NXN: variants seen among roughly 807,000 people sequenced by gnomAD.
The protein encoded by NXN is nucleoredoxin.
A neutral mutation model predicts 48.6 loss-of-function variants in NXN; 16 were observed. The observed-to-expected ratio is 0.33, with a 90% CI of 0.22 to 0.50. The LOEUF (loss-of-function observed/expected upper bound fraction) is 0.50. Among genes scored for constraint, NXN ranks in the 20% least tolerant of loss-of-function variants. The probability of loss-of-function intolerance (pLI) is 0.98; values close to 1 mark genes in which losing one functional copy is unlikely to be tolerated. For missense variants in NXN, 492 were observed against 605.5 expected, an observed-to-expected ratio of 0.81 and a Z score of 1.97; for synonymous variants, 281 against 269.6, an observed-to-expected ratio of 1.04 and a Z score of -0.41.
intron 1 of NXN, among the ~76,000 whole-genome samples, chr17:951,899 A>G (rs918045935): frequency 6.6e-6 from 1 of 152,260 alleles, no homozygotes; most frequent in East Asian, 1.9e-4. Context: ...AGGGGAGCTC[A>G]GCCTCCCCGA....
rs114177301 is a variant in NXN at position 851,797 on chromosome 17, G to T, written c.361-25719C>A. Among the ~76,000 whole-genome samples the T allele has an allele frequency of 4.7e-3, 719 of 152,314 alleles. 4 individuals are homozygous for T. The highest frequency in any genetic ancestry group is 0.016 in the African/African-American group (667 of 41,568). ...CCAGCACCACTCGCCATAAATAGAG[G>T]CTAAGTGTCAAAATGAAAAGAACAA... On this transcript the variant is annotated intron_variant, in intron 1 of 7. Transcript: ENST00000336868.
rs981146716 is a variant in NXN, at chr17:948,364, GA to G, written c.360+30954del. The stretch of plus-strand genomic sequence containing the variant: ...GAAAGAAAACAAAGGAAACAAAACA[GA>G]AAAAAAAGAAGAAAATAATAAAGTA... On this transcript the variant is annotated intron_variant, in intron 1 of 7. Coordinates refer to ENST00000336868, the MANE Select transcript of NXN (RefSeq NM_022463.5). 1.5e-4 allele frequency among the ~76,000 whole-genome samples: 23 copies of G among 151,630 alleles called. No homozygotes were observed. The Middle Eastern group carries it at 0.01, about 67-fold the overall frequency.
intron 1 of NXN, among the ~76,000 whole-genome samples, chr17:926,031 G>A (rs1413921773): frequency 1.3e-5 from 2 of 152,302 alleles, no homozygotes; most frequent in Admixed American, 1.3e-4. Context: ...AAGTTTTAAT[G>A]ACTTAAGAGT....
At chr17:851,161 T>A (rs956889215) in intron 1 of NXN, among the ~76,000 whole-genome samples, 1 of 152,230 alleles carries the variant, frequency 6.6e-6, no homozygotes, top group African/African-American at 2.4e-5. Context: ...CGTTTCAACC[T>A]GGTCTCCAGA....
At chr17:926,982 T>C (rs534216254) in intron 1 of NXN, among the ~76,000 whole-genome samples, 1 of 151,978 alleles carries the variant, frequency 6.6e-6, no homozygotes, top group South Asian at 2.1e-4. Flanking sequence ...AGTGATCCAA[T>C]GGGAGGCTGG....
At chr17:846,420 AAAAAAAAAAAAG>A (rs1367035489) in intron 1 of NXN, among the ~76,000 whole-genome samples, 4 of 149,234 alleles carry the variant, frequency 2.7e-5, no homozygotes, top group Admixed American at 6.6e-5. Flanking sequence ...TCTCAAAAAA[AAAAAAAAAAAAG>A]AAAAGAAAAA....
intron 1 of NXN, among the ~76,000 whole-genome samples, chr17:965,477 G>T (rs1409715293): frequency 6.6e-6 from 1 of 152,188 alleles, no homozygotes; most frequent in Non-Finnish European, 1.5e-5. Flanking sequence ...CTATCTAAGT[G>T]ATAGCAAGCT....
chr17:918,760 T>A (rs2068715623), intron 1 of NXN, among the ~76,000 whole-genome samples: 2 of 112,236 alleles, frequency 1.8e-5, no homozygotes, highest in Non-Finnish European at 1.7e-5. Context: ...GCCACCGCAC[T>A]CCAGCCTGGG....
intron 1 of NXN, among the ~76,000 whole-genome samples, chr17:889,810 T>A (rs1419290269): frequency 1.3e-5 from 2 of 151,738 alleles, no homozygotes; most frequent in Non-Finnish European, 2.9e-5. Flanking sequence ...AGATTAATTG[T>A]TGGCTGTTGC....
intron 1 of NXN, among the ~76,000 whole-genome samples, chr17:853,716 TA>T (rs1567834447): frequency 5.1e-4 from 48 of 94,332 alleles, no homozygotes; most frequent in African/African-American, 8.2e-4. Flanking sequence ...TATATATATA[TA>T]TATATATTTT....
chr17:895,358 G>A (rs183028709), intron 1 of NXN, among the ~76,000 whole-genome samples: 89 of 151,930 alleles, frequency 5.9e-4, no homozygotes, highest in Non-Finnish European at 1.1e-3. Context: ...ATGGAGAGAG[G>A]AAGAAAAGAG....
chr17:825,908 G>A lies in NXN; in HGVS notation c.478+53C>T, dbSNP rs752789696. On this transcript the variant is annotated intron_variant, in intron 2 of 7. Coordinates refer to ENST00000336868, the MANE Select transcript of NXN (RefSeq NM_022463.5). This position sits in a 1 kb window ranked among gnomAD's most constrained non-coding sequence, Gnocchi z 4.1. ...GGACGGAGATTAGCCTAAGGGCATG[G>A]AGGAGGGAGGGCTGGGTAATAAGAG... The A allele has an allele frequency of 1.9e-5, 22 of 1,156,022 alleles. No homozygotes were observed. The highest frequency in any genetic ancestry group is 2.8e-5 in the Non-Finnish European group (22 of 781,786). 71.6% of individuals were successfully genotyped at this position (1,156,022 alleles called of 1,614,324 possible).
intron 5 of NXN, among the ~76,000 whole-genome samples, chr17:810,169 G>A (rs1276699932): frequency 9.0e-6 from 1 of 111,186 alleles, no homozygotes; most frequent in Non-Finnish European, 1.8e-5. Context: ...CACGTTACGA[G>A]TCTGTGACTG....
chr17:881,598 CAG>C (rs2068285074), intron 1 of NXN, among the ~76,000 whole-genome samples: 1 of 152,168 alleles, frequency 6.6e-6, no homozygotes, highest in Non-Finnish European at 1.5e-5. Flanking sequence ...ATAATCGACT[CAG>C]AATTCTACCG....
rs746742877 is a variant in NXN at position 979,716 on chromosome 17, C to A, written c.-38G>T. 5.3e-6 allele frequency: 7 copies of A among 1,316,926 alleles called. No individual in the cohort carries two copies. The highest frequency in any genetic ancestry group is 3.1e-5 in the African/African-American group (2 of 64,608). The allele number at this position is 1,316,926 out of a possible 1,614,324, so 81.6% of individuals were successfully genotyped here. ...CAGGGCGGGCAGGCGGCTGCGACCC[C>A]GCTCCACGGTCCGCGCGGCGGGAGG... On this transcript the variant is annotated 5_prime_UTR_variant, in exon 1 of 8. Transcript: ENST00000336868.
chr17:897,601 T>C (rs2068500110), intron 1 of NXN, among the ~76,000 whole-genome samples: 1 of 152,246 alleles, frequency 6.6e-6, no homozygotes, highest in Admixed American at 6.5e-5. Context: ...TGCCCCGTCC[T>C]AGGGCAATCC....
At chr17:886,707 G>T (rs146533304) in intron 1 of NXN, among the ~76,000 whole-genome samples, 13,941 of 151,712 alleles carry the variant, frequency 0.092, 911 homozygotes, top group African/African-American at 0.17. Context: ...CAACTCGGGA[G>T]GTGGAGCTTG....
At chr17:852,336 A>G (rs1271785641) in intron 1 of NXN, among the ~76,000 whole-genome samples, 1 of 151,976 alleles carries the variant, frequency 6.6e-6, no homozygotes, top group Non-Finnish European at 1.5e-5. Context: ...GAACCTCATT[A>G]AGCTCCCCAC....
At position 859,384 on chromosome 17, in the gene NXN, G is replaced by A. The variant is rs559320465; in HGVS notation, c.361-33306C>T. 5.3e-5 allele frequency among the ~76,000 whole-genome samples: 8 copies of A among 152,208 alleles called. No homozygotes were observed. In the East Asian group the frequency reaches 1.4e-3, roughly 26 times the overall value. On this transcript the variant is annotated intron_variant, in intron 1 of 7. Coordinates refer to ENST00000336868, the MANE Select transcript of NXN (RefSeq NM_022463.5). The stretch of plus-strand genomic sequence containing the variant: ...ACGGGGAGTTTAGGGGAAATTTTTG[G>A]TTTGGGTTTTCTCCTAGTTTTAATT...
Sources: gnomAD v4.1 joint callset for allele counts (sites outside exome capture counted in the v4.1 genomes callset) on GRCh38, gnomAD v4.1.1 for gene constraint, Gnocchi (gnomAD v3.1) non-coding constraint, MANE v1.5 for transcripts, NCBI Gene and HGNC (gene_info 2026-07-23, HGNC 2026-07-21) for gene names.